GRB10: variants seen among roughly 807,000 people sequenced by gnomAD.
GRB10 encodes the protein growth factor receptor bound protein 10, also known as growth factor receptor-bound protein 10.
A neutral mutation model predicts 80.9 loss-of-function variants in GRB10; 20 were observed. The ratio of observed to expected loss-of-function variants is 0.25; its 90% CI spans 0.17 to 0.36. The LOEUF is 0.36. GRB10 is among the 10% of genes least tolerant of loss of function. GRB10 has a pLI of 1.00. For synonymous variants in GRB10, 291 were observed against 291.5 expected (o/e 1.00, Z 0.02); for missense variants, 548 against 747.7 (o/e 0.73, Z 3.12).
intron 7 of GRB10, among the ~76,000 whole-genome samples, chr7:50,652,081 T>C (rs1261677191): frequency 1.3e-5 from 2 of 152,222 alleles, no homozygotes; most frequent in Non-Finnish European, 2.9e-5. Context: ...GAATTTTGGA[T>C]TTCAAATTTT....
chr7:50,607,700 G>A (rs1369894984), intron 13 of GRB10, among the ~76,000 whole-genome samples: 3 of 152,166 alleles, frequency 2.0e-5, no homozygotes, highest in East Asian at 1.9e-4. Context: ...GACTTTGAAC[G>A]TACACGACCT....
In GRB10 at chr7:50,741,558, A is replaced by AC. The variant is rs2071745603; in HGVS notation, c.-46-9191_-46-9190insG. 2.0e-5 allele frequency among the ~76,000 whole-genome samples: 3 copies of AC among 151,146 alleles called. No individual in the cohort carries two copies. The South Asian group carries it at 6.2e-4, about 31-fold the overall frequency. Reference sequence around the variant, plus strand: ...AAATTAGGAACATGTGTTTAAAAAAAAAAAAAAAAAAAAAAAACGAAGGCA... The same window carrying AC: ...AAATTAGGAACATGTGTTTAAAAAAACAAAAAAAAAAAAAAAAACGAAGGCA... On this transcript the variant is annotated intron_variant, in intron 3 of 18. Transcript: ENST00000401949.
Position 50,732,304 on chromosome 7 carries a change from G to C in GRB10, c.19C>G (p.Pro7Ala). 6.2e-7 allele frequency: 1 copy of C among 1,614,076 alleles called. No homozygotes were observed. The highest frequency in any genetic ancestry group is 1.3e-5 in the African/African-American group (1 of 75,010). MALAGC[P>A]DSFLHHPYYQ... ...TACGGATGGTGCAAAAAGGAATCTG[G>C]GCAGCCGGCTAAAGCCATGGGTTCC... The change falls in exon 4 of 19, where the codon CCA becomes GCA. Residue 7 changes from proline to alanine, a missense_variant. Pro to Ala is a conservative substitution (Grantham distance 27, BLOSUM62 -1). Coordinates refer to ENST00000401949, the MANE Select transcript of GRB10 (RefSeq NM_001350814.2).
At chr7:50,641,753 C>T (rs1231099893) in intron 7 of GRB10, among the ~76,000 whole-genome samples, 2 of 152,176 alleles carry the variant, frequency 1.3e-5, no homozygotes, top group South Asian at 2.1e-4. Context: ...AACATCTCTG[C>T]GGCAGGACAG....
At chr7:50,607,584 T>C (rs2048758119) in intron 13 of GRB10, among the ~76,000 whole-genome samples, 1 of 152,216 alleles carries the variant, frequency 6.6e-6, no homozygotes, top group South Asian at 2.1e-4. Context: ...CTTTATGTTA[T>C]TTCATTTAAT....
At chr7:50,696,108 T>A (rs914820255) in intron 5 of GRB10, among the ~76,000 whole-genome samples, 2 of 152,234 alleles carry the variant, frequency 1.3e-5, no homozygotes, top group Non-Finnish European at 2.9e-5. Context: ...GTCTTGTCTT[T>A]CCCTATTTCC....
intron 11 of GRB10, 139 bp from the exon 12 acceptor site, chr7:50,615,019 C>T (rs1405849543): frequency 3.6e-5 from 25 of 698,016 alleles, no homozygotes; most frequent in Admixed American, 1.6e-4. Context: ...ATGATTATTA[C>T]GCGAGGTGTA....
At chr7:50,725,370 G>A (rs774456852) in intron 4 of GRB10, among the ~76,000 whole-genome samples, 2 of 152,126 alleles carry the variant, frequency 1.3e-5, no homozygotes, top group Non-Finnish European at 2.9e-5. Context: ...CATGCTTCCT[G>A]TACAGGCTGC....
At chr7:50,646,029 T>C (rs1392704898) in intron 7 of GRB10, among the ~76,000 whole-genome samples, 1 of 152,202 alleles carries the variant, frequency 6.6e-6, no homozygotes, top group Non-Finnish European at 1.5e-5. Context: ...GCTCCAGCAA[T>C]GACACTGCTG....
chr7:50,738,063 A>G (rs1293163603), intron 3 of GRB10, among the ~76,000 whole-genome samples: 3 of 152,224 alleles, frequency 2.0e-5, no homozygotes. Context: ...CAGAACTGCA[A>G]CAAGATACCA....
chr7:50,646,701 G>A (rs1407463929), intron 7 of GRB10, among the ~76,000 whole-genome samples: 2 of 152,178 alleles, frequency 1.3e-5, no homozygotes, highest in Non-Finnish European at 2.9e-5. Context: ...ATGAGTGGGG[G>A]TAGAGTGGGA....
At chr7:50,670,003 T>C in intron 6 of GRB10, 140 bp from the exon 7 acceptor site, 1 of 1,028,512 alleles carries the variant, frequency 9.7e-7, no homozygotes, top group Non-Finnish European at 1.5e-6. Context: ...GTGGCATCCT[T>C]CACAAAAGCC....
At chr7:50,774,481 T>C (rs1433584466) in intron 2 of GRB10, among the ~76,000 whole-genome samples, 1 of 152,236 alleles carries the variant, frequency 6.6e-6, no homozygotes, top group Non-Finnish European at 1.5e-5. Flanking sequence ...GCCTTCTTGC[T>C]GTGCCCTCAC....
Position 50,606,347 on chromosome 7 carries a change from G to C in GRB10, c.1262C>G (p.Ser421Trp). The change falls in exon 14 of 19, where the codon TCG becomes TGG. Residue 421 changes from serine to tryptophan, a missense_variant. Physicochemically the swap from Ser to Trp is radical, Grantham distance 177. Coordinates refer to ENST00000401949, the MANE Select transcript of GRB10 (RefSeq NM_001350814.2). ...QQRKALLSPFSTPVRSVSENS... is the reference protein window; with the variant it reads ...QQRKALLSPFWTPVRSVSENS... ...CCTGGCTTTACTTACCACTGGCGTCGAGAACGGGGACAGCAAGGCCTTCCT... is the reference window on the plus strand; with the variant it reads ...CCTGGCTTTACTTACCACTGGCGTCCAGAACGGGGACAGCAAGGCCTTCCT... The C allele has an allele frequency of 6.2e-7, 1 of 1,613,732 alleles. No individual in the cohort carries two copies. The highest frequency in any genetic ancestry group is 8.5e-7 in the Non-Finnish European group (1 of 1,179,626).
upstream of GRB10, among the ~76,000 whole-genome samples, chr7:50,784,241 G>A (rs2078591451): frequency 6.6e-6 from 1 of 152,236 alleles, no homozygotes; most frequent in Non-Finnish European, 1.5e-5. Flanking sequence ...CAAACCCTGA[G>A]ATTCGGGGAG....
intron 4 of GRB10, among the ~76,000 whole-genome samples, chr7:50,711,882 T>C (rs2065945974): frequency 6.6e-6 from 1 of 152,302 alleles, no homozygotes; most frequent in Non-Finnish European, 1.5e-5. Context: ...AAATCCTGTC[T>C]CTAATGGGTA....
intron 7 of GRB10, among the ~76,000 whole-genome samples, chr7:50,632,770 C>T (rs1477141656): frequency 6.6e-6 from 1 of 152,094 alleles, no homozygotes; most frequent in Non-Finnish European, 1.5e-5. Context: ...GGCTAAGCAT[C>T]CCAGTTGCTC....
chr7:50,627,916 C>T (rs2053247661), intron 7 of GRB10, among the ~76,000 whole-genome samples: 1 of 152,318 alleles, frequency 6.6e-6, no homozygotes. Context: ...CTCCGGGCAG[C>T]AGGGAGGCCA....
intron 13 of GRB10, among the ~76,000 whole-genome samples, chr7:50,607,903 GT>G (rs1327855281): frequency 6.6e-6 from 1 of 152,206 alleles, no homozygotes; most frequent in Non-Finnish European, 1.5e-5. Context: ...AGGAAGTGAA[GT>G]CATCAAGTGG....
Sources: gnomAD v4.1 joint callset for allele counts (sites outside exome capture counted in the v4.1 genomes callset) on GRCh38, gnomAD v4.1.1 for gene constraint, MANE v1.5 for transcripts, NCBI Gene and HGNC (gene_info 2026-07-23, HGNC 2026-07-21) for gene names.